Variants in NAA16 observed in about 807,000 individuals in gnomAD.
NAA16 encodes NARG1-like protein.
Under a neutral mutation model 110.3 loss-of-function variants are expected in NAA16, and 97 were observed. That is an observed-to-expected ratio of 0.88 (90% CI 0.75 to 1.04). The LOEUF (loss-of-function observed/expected upper bound fraction) is 1.04. Among genes scored for constraint, NAA16 ranks in the 50% least tolerant of loss-of-function variants. NAA16 has a pLI of 0.00. For synonymous variants in NAA16, 372 were observed against 330.6 expected (o/e 1.13, Z -1.36); for missense variants, 1,017 against 1,005.1 (o/e 1.01, Z -0.16).
rs192854960 is a variant in NAA16 at position 41,362,449 on chromosome 13, C to A, written c.1539+290C>A. The A allele has an allele frequency of 1.4e-4, 48 of 336,384 alleles. 1 individual carries two copies. The East Asian group carries it at 3.2e-3, about 22-fold the overall frequency. 20.8% of individuals were successfully genotyped at this position (336,384 alleles called of 1,614,324 possible). ...CAAAATTTATGTTCCCTAATTAGGC[C>A]ATTATTTTGATATTCATCACCACCC... On this transcript the variant is annotated intron_variant, in intron 13 of 19. Coordinates refer to ENST00000379406, the MANE Select transcript of NAA16 (RefSeq NM_024561.5).
chr13:41,370,254 A>T (rs1281660492), intron 15 of NAA16, among the ~76,000 whole-genome samples: 1 of 152,214 alleles, frequency 6.6e-6, no homozygotes, highest in East Asian at 1.9e-4. Context: ...TTAACTTCTC[A>T]CCAAGAGCTG....
intron 5 of NAA16, among the ~76,000 whole-genome samples, chr13:41,324,126 T>G (rs2042021926): frequency 6.6e-6 from 1 of 152,158 alleles, no homozygotes; most frequent in Non-Finnish European, 1.5e-5. Context: ...CTATTTTTAC[T>G]CTCTTAAGGG....
intron 8 of NAA16, among the ~76,000 whole-genome samples, chr13:41,335,400 T>TA (rs1359851232): frequency 6.6e-6 from 1 of 152,148 alleles, no homozygotes; most frequent in Non-Finnish European, 1.5e-5. Context: ...TGCACACAAA[T>TA]ACGTGGAGAA....
At chr13:41,355,983 T>C (rs1438149635) in intron 10 of NAA16, among the ~76,000 whole-genome samples, 2 of 151,850 alleles carry the variant, frequency 1.3e-5, no homozygotes, top group South Asian at 2.1e-4. Context: ...TCCGGGTTCC[T>C]TATGTGTCTC....
Position 41,356,768 on chromosome 13 carries a change from C to T in NAA16, c.1088-1536C>T, listed in dbSNP as rs112889799. Among the ~76,000 whole-genome samples the T allele has an allele frequency of 2.9e-4, 44 of 152,352 alleles. 1 individual carries two copies. Among genetic ancestry groups the T allele is most frequent in the African/African-American group, 1.0e-3 (42 of 41,582 alleles). Reference sequence around the variant, plus strand: ...ATTTGTTGAAAGGTCATTTGTCTTACATATCCCATATTCTAGATTTGGTTG... The same window carrying T: ...ATTTGTTGAAAGGTCATTTGTCTTATATATCCCATATTCTAGATTTGGTTG... On this transcript the variant is annotated intron_variant, in intron 10 of 19. Transcript: ENST00000379406.
intron 12 of NAA16, among the ~76,000 whole-genome samples, chr13:41,359,228 T>C (rs2043061414): frequency 6.6e-6 from 1 of 152,224 alleles, no homozygotes; most frequent in Non-Finnish European, 1.5e-5. Flanking sequence ...GAGTATGCTA[T>C]ACTTTAGCAC....
At chr13:41,343,082 G>T (rs1361110284) in intron 9 of NAA16, among the ~76,000 whole-genome samples, 1 of 152,084 alleles carries the variant, frequency 6.6e-6, no homozygotes, top group Non-Finnish European at 1.5e-5. Context: ...CAATTTAAGA[G>T]CATTTACACA....
At chr13:41,340,222 C>G (rs1346306167) in intron 9 of NAA16, among the ~76,000 whole-genome samples, 1 of 152,034 alleles carries the variant, frequency 6.6e-6, no homozygotes, top group African/African-American at 2.4e-5. Context: ...AAAAAATTGC[C>G]AGTCTTTGAG....
intron 14 of NAA16, among the ~76,000 whole-genome samples, 167 bp downstream of exon 14, chr13:41,367,819 A>T (rs574986763): frequency 6.6e-5 from 10 of 152,254 alleles, no homozygotes; most frequent in Non-Finnish European, 1.0e-4. Context: ...AGAGTTAAAA[A>T]AAGTGGGATG....
At chr13:41,323,230 G>A (rs750380829) in intron 5 of NAA16, 40 bp downstream of exon 5, 1 of 1,592,700 alleles carries the variant, frequency 6.3e-7, no homozygotes, top group Non-Finnish European at 8.6e-7. Context: ...CATAAATGGA[G>A]TAGTTGACTT....
chr13:41,317,936 C>G (rs1035780851), intron 2 of NAA16, among the ~76,000 whole-genome samples: 1 of 152,176 alleles, frequency 6.6e-6, no homozygotes, highest in Non-Finnish European at 1.5e-5. Context: ...CTACCATCAT[C>G]CAGTGTTGTG....
intron 9 of NAA16, among the ~76,000 whole-genome samples, chr13:41,343,778 C>A (rs1286350396): frequency 2.0e-5 from 3 of 151,976 alleles, no homozygotes; most frequent in Non-Finnish European, 4.4e-5. Flanking sequence ...TGAGCTCAGG[C>A]AGTCTGCCCG....
At chr13:41,358,717 G>C in intron 11 of NAA16, 93 bp from the exon 12 acceptor site, 1 of 1,471,050 alleles carries the variant, frequency 6.8e-7, no homozygotes, top group Non-Finnish European at 9.0e-7. Context: ...AATGGTGACA[G>C]ATTTCTTTTT....
intron 1 of NAA16, among the ~76,000 whole-genome samples, chr13:41,316,086 A>C (rs1179045666): frequency 6.6e-6 from 1 of 152,108 alleles, no homozygotes; most frequent in Non-Finnish European, 1.5e-5. Context: ...AGGGAAACAA[A>C]ATAAAAAATT....
At chr13:41,371,091 G>C (rs1330551548) in intron 15 of NAA16, among the ~76,000 whole-genome samples, 2 of 152,186 alleles carry the variant, frequency 1.3e-5, no homozygotes, top group African/African-American at 4.8e-5. Flanking sequence ...AGGGCTTCAA[G>C]ATTAGGGAAC....
chr13:41,372,398 T>C (rs1844423051), intron 16 of NAA16, 87 bp downstream of exon 16: 2 of 1,396,536 alleles, frequency 1.4e-6, no homozygotes, highest in East Asian at 5.5e-5. Flanking sequence ...TATTTTTGTT[T>C]CTTAGATTTT....
Position 41,367,523 on chromosome 13 carries a change from T to C in NAA16, c.1624T>C (p.Leu542=). 1 of 1,613,236 alleles carries C rather than the reference T, an allele frequency of 6.2e-7. No individual in the cohort carries two copies. ...GACCCTTCGTGCCTATGTTGACCTT[T>C]TGAGATTAGAAGATATACTCAGAAG... is the stretch of plus-strand genomic sequence containing the variant. ...KMTLRAYVDL[L]RLEDILRRHA... The change falls in exon 14 of 20, where the codon TTG becomes CTG. Residue 542 remains leucine, a synonymous_variant. Transcript: ENST00000379406.
At chr13:41,375,271 G>A (rs894747092) in intron 19 of NAA16, 134 bp from the exon 20 acceptor site, 1 of 620,712 alleles carries the variant, frequency 1.6e-6, no homozygotes, top group Non-Finnish European at 2.7e-6. Flanking sequence ...ATTGCTTACT[G>A]TGTAGATTGT....
chr13:41,362,045 C>A lies in NAA16; in HGVS notation c.1425C>A (p.Ala475=). The change falls in exon 13 of 20, where the codon GCC becomes GCA. Residue 475 remains alanine, a synonymous_variant. Coordinates refer to ENST00000379406, the MANE Select transcript of NAA16 (RefSeq NM_024561.5). ...TTCCATTTCAGGAAGGAACATCTGC[C>A]ATGGAAAATCTAAATGAAATGCAGT... ...CSKFTREGTS[A]MENLNEMQCM... The A allele has an allele frequency of 6.2e-7, 1 of 1,610,078 alleles. No homozygotes were observed. Among genetic ancestry groups the A allele is most frequent in the South Asian group, 1.1e-5 (1 of 90,318 alleles).
Sources: gnomAD v4.1 joint callset for allele counts (sites outside exome capture counted in the v4.1 genomes callset) on GRCh38, gnomAD v4.1.1 for gene constraint, MANE v1.5 for transcripts, NCBI Gene and HGNC (gene_info 2026-07-23, HGNC 2026-07-21) for gene names.